The following NET1 variants were observed in gnomAD, a reference collection of about 807,000 sequenced individuals.
The protein encoded by NET1 is neuroepithelial cell-transforming gene 1 protein.
Under a neutral mutation model 61.1 loss-of-function variants are expected in NET1, and 42 were observed. That is an observed-to-expected ratio of 0.69 (90% confidence interval 0.54 to 0.89). The LOEUF is 0.89. Ranked by LOEUF, NET1 falls within the 40% of genes least tolerant of loss-of-function variation. NET1 has a pLI of 0.00. For missense variants in NET1, 654 were observed against 747.3 expected, an observed-to-expected ratio of 0.88 and a Z score of 1.46; for synonymous variants, 254 against 281.8, an observed-to-expected ratio of 0.90 and a Z score of 0.99.
rs1202062503 is a variant in NET1, at chr10:5,457,182, C to G, written c.*188C>G. ...ATACAGATTACTGTTAAATTGCAGT[C>G]CTTTTTTTTTTAAAGATATTTTCTT... On this transcript the variant is annotated 3_prime_UTR_variant, in exon 12 of 12. Transcript: ENST00000355029. This position sits in a 1 kb window ranked among gnomAD's most constrained non-coding sequence, Gnocchi z 5.4. 2.4e-6 allele frequency: 1 copy of G among 417,396 alleles called. No individual in the cohort carries two copies. The highest frequency in any genetic ancestry group is 2.1e-5 in the African/African-American group (1 of 48,160). The allele number at this position is 417,396 out of a possible 1,614,324, so 25.9% of individuals were successfully genotyped here.
chr10:5,448,672 ATT>A (rs55722042), intron 3 of NET1, among the ~76,000 whole-genome samples: 3 of 126,756 alleles, frequency 2.4e-5, no homozygotes, highest in African/African-American at 9.4e-5. Flanking sequence ...GGATTTTTGG[ATT>A]TTTTTTTTTT....
Position 5,440,198 on chromosome 10 carries a change from C to G in NET1, c.255+10969C>G, listed in dbSNP as rs1184536616. The stretch of plus-strand genomic sequence containing the variant: ...ATGATGTTCTGTGAAATATCCGGTC[C>G]TTGCCGACTTTGTGACAGAAAACAA... On this transcript the variant is annotated intron_variant, in intron 3 of 11. Transcript: ENST00000355029. The surrounding 1 kb of genome is among the most constrained non-coding windows in gnomAD (Gnocchi z 4.1). Among the ~76,000 whole-genome samples the G allele has an allele frequency of 6.6e-6, 1 of 152,182 alleles. No homozygotes were observed. Among genetic ancestry groups the G allele is most frequent in the Admixed American group, 6.5e-5 (1 of 15,284 alleles).
At chr10:5,432,414 T>A (rs1832362624) in intron 3 of NET1, among the ~76,000 whole-genome samples, 1 of 152,208 alleles carries the variant, frequency 6.6e-6, no homozygotes, top group African/African-American at 2.4e-5. Context: ...TATTATTGAT[T>A]ACTGAAAACG....
Position 5,415,664 on chromosome 10 carries a change from C to T in NET1, c.128+2844C>T, listed in dbSNP as rs1212545482. ...CCATGTTGGCTAGGCTGGTCTTGAA[C>T]TCCTGACCTTGTGATTTGCCTGCCT... On this transcript the variant is annotated intron_variant, in intron 1 of 11. Transcript: ENST00000355029. This position sits in a 1 kb window ranked among gnomAD's most constrained non-coding sequence, Gnocchi z 4.7. 2.6e-5 allele frequency among the ~76,000 whole-genome samples: 4 copies of T among 152,158 alleles called. No individual in the cohort carries two copies. Among genetic ancestry groups the T allele is most frequent in the African/African-American group, 7.2e-5 (3 of 41,444 alleles).
At chr10:5,429,094 G>T in intron 2 of NET1, 76 bp from the exon 3 acceptor site, 1 of 1,067,036 alleles carries the variant, frequency 9.4e-7, no homozygotes. Context: ...GATTTTTCTA[G>T]TTTTATAGAG....
rs1201870528 is a variant in NET1, at chr10:5,456,622, C to T, written c.1419C>T (p.Pro473=). The part of the protein sequence containing the change: ...KNIFRIRFHD[P]SPAQSHTLQA... ...TCTTTAGAATTCGCTTCCATGACCC[C>T]TCTCCAGCCCAGTCTCACACTCTGC... Residue 473 remains proline, a synonymous_variant, in exon 12 of 12, where the codon CCC becomes CCT. Coordinates refer to ENST00000355029, the MANE Select transcript of NET1 (RefSeq NM_001047160.3). The surrounding 1 kb of genome is among the most constrained non-coding windows in gnomAD (Gnocchi z 7.0). 6.4e-7 allele frequency: 1 copy of T among 1,555,246 alleles called. No homozygotes were observed. Among genetic ancestry groups the T allele is most frequent in the South Asian group, 1.2e-5 (1 of 83,400 alleles).
Position 5,453,036 on chromosome 10 carries a change from A to G in NET1, c.594+116A>G, listed in dbSNP as rs1024435007. 1.6e-5 allele frequency: 13 copies of G among 803,420 alleles called. No homozygotes were observed. Among genetic ancestry groups the G allele is most frequent in the African/African-American group, 1.0e-4 (6 of 57,656 alleles). The allele number at this position is 803,420 out of a possible 1,614,324, so 49.8% of individuals were successfully genotyped here. A position where few individuals can be genotyped will look rare whatever the true frequency, so the allele number is the denominator to read the frequency against. On this transcript the variant is annotated intron_variant, in intron 6 of 11. Transcript: ENST00000355029. This position sits in a 1 kb window ranked among gnomAD's most constrained non-coding sequence, Gnocchi z 4.9. ...GAAGAATAGAAAATATCTACTGGTGAATACATTTTTTTTAGGTGAGGTCTA... is the reference window on the plus strand; with the variant it reads ...GAAGAATAGAAAATATCTACTGGTGGATACATTTTTTTTAGGTGAGGTCTA...
In NET1 at chr10:5,453,981, G is replaced by A. The variant is rs117957656; in HGVS notation, c.769-284G>A. On this transcript the variant is annotated intron_variant, in intron 8 of 11. Coordinates refer to ENST00000355029, the MANE Select transcript of NET1 (RefSeq NM_001047160.3). This position sits in a 1 kb window ranked among gnomAD's most constrained non-coding sequence, Gnocchi z 4.9. ...AGTCTCAGGGCTGGTGGCAAATGGA[G>A]GACACTCAAGTGTCCTGGGAGCACA... Among the ~76,000 whole-genome samples the A allele has an allele frequency of 8.5e-3, 1,289 of 152,288 alleles. 15 individuals carry two copies. Among genetic ancestry groups the A allele is most frequent in the Non-Finnish European group, 0.014 (962 of 68,008 alleles).
Position 5,417,993 on chromosome 10 carries a change from G to A in NET1, c.128+5173G>A, listed in dbSNP as rs907801980. Among the ~76,000 whole-genome samples, 3 of 151,868 alleles carry A rather than the reference G, an allele frequency of 2.0e-5. No individual in the cohort carries two copies. Among genetic ancestry groups the A allele is most frequent in the African/African-American group, 7.3e-5 (3 of 41,308 alleles). Reference sequence around the variant, plus strand: ...GATGTTAAACCAACTTTGCCTTCCTGGTATAAGTCCTGCTTGGTCATTGTG... The same window carrying A: ...GATGTTAAACCAACTTTGCCTTCCTAGTATAAGTCCTGCTTGGTCATTGTG... On this transcript the variant is annotated intron_variant, in intron 1 of 11. Transcript: ENST00000355029. This position sits in a 1 kb window ranked among gnomAD's most constrained non-coding sequence, Gnocchi z 5.5.
In NET1 at chr10:5,441,894, G is replaced by C. The variant is rs1207422105; in HGVS notation, c.256-9936G>C. 1.3e-5 allele frequency among the ~76,000 whole-genome samples: 2 copies of C among 151,956 alleles called. No individual in the cohort carries two copies. The highest frequency in any genetic ancestry group is 2.9e-5 in the Non-Finnish European group (2 of 67,988). On this transcript the variant is annotated intron_variant, in intron 3 of 11. Transcript: ENST00000355029. This position sits in a 1 kb window ranked among gnomAD's most constrained non-coding sequence, Gnocchi z 4.6. ...TCAATTAATACTTCCTTTTTAGTAA[G>C]ATTTAAAATTTTATTTTTAACTAAC... is the stretch of plus-strand genomic sequence containing the variant.
At chr10:5,432,801 G>T (rs1470449079) in intron 3 of NET1, among the ~76,000 whole-genome samples, 1 of 151,438 alleles carries the variant, frequency 6.6e-6, no homozygotes. Context: ...TTTCTTGGAT[G>T]AACTGTATGT....
rs1160770351 is a variant in NET1, at chr10:5,457,704, GTGTGTGTA to G, written c.*718_*725del. The G allele has an allele frequency of 3.3e-5, 5 of 151,930 alleles. No individual in the cohort carries two copies. Among genetic ancestry groups the G allele is most frequent in the Non-Finnish European group, 7.4e-5 (5 of 67,916 alleles). The allele number at this position is 151,930 out of a possible 1,614,324, so 9.4% of individuals were successfully genotyped here. On this transcript the variant is annotated 3_prime_UTR_variant, in exon 12 of 12. Transcript: ENST00000355029. The surrounding 1 kb of genome is among the most constrained non-coding windows in gnomAD (Gnocchi z 5.4). ...AGTATTTTTCTTCCTGATTAAAAAT[GTGTGTGTA>G]TGTGTGTGTGTGTGTGTATATATAT... is the stretch of plus-strand genomic sequence containing the variant.
In NET1 at chr10:5,440,954, C is replaced by T. The variant is rs1832516548; in HGVS notation, c.256-10876C>T. Among the ~76,000 whole-genome samples, 1 of 152,144 alleles carries T rather than the reference C, an allele frequency of 6.6e-6. No individual in the cohort carries two copies. Among genetic ancestry groups the T allele is most frequent in the Non-Finnish European group, 1.5e-5 (1 of 68,026 alleles). On this transcript the variant is annotated intron_variant, in intron 3 of 11. Transcript: ENST00000355029. This position sits in a 1 kb window ranked among gnomAD's most constrained non-coding sequence, Gnocchi z 4.1. ...GTGTCCATATTTTAGCCTGGGTTCTCCCTCCAGAAATCAGAGCCTAAAACG... is the reference window on the plus strand; with the variant it reads ...GTGTCCATATTTTAGCCTGGGTTCTTCCTCCAGAAATCAGAGCCTAAAACG...
chr10:5,438,617 G>T (rs1450278906), intron 3 of NET1, among the ~76,000 whole-genome samples: 1 of 152,104 alleles, frequency 6.6e-6, no homozygotes, highest in Non-Finnish European at 1.5e-5. Context: ...ACAAAGAAAA[G>T]CTCTGAATAA....
Position 5,422,221 on chromosome 10 carries a change from T to A in NET1, c.129-4434T>A, listed in dbSNP as rs892736168. Among the ~76,000 whole-genome samples the A allele has an allele frequency of 6.6e-6, 1 of 151,884 alleles. No individual in the cohort carries two copies. The highest frequency in any genetic ancestry group is 2.4e-5 in the African/African-American group (1 of 41,332). On this transcript the variant is annotated intron_variant, in intron 1 of 11. Coordinates refer to ENST00000355029, the MANE Select transcript of NET1 (RefSeq NM_001047160.3). This position sits in a 1 kb window ranked among gnomAD's most constrained non-coding sequence, Gnocchi z 4.1. ...GCATGGTGGCGTGCCCCTGTAATCCTAGCTACTCGGGAGATTGAGGCAGGA... is the reference window on the plus strand; with the variant it reads ...GCATGGTGGCGTGCCCCTGTAATCCAAGCTACTCGGGAGATTGAGGCAGGA...
chr10:5,436,244 ATATATTT>A lies in NET1; in HGVS notation c.255+7017_255+7023del, dbSNP rs1832434991. On this transcript the variant is annotated intron_variant, in intron 3 of 11. Transcript: ENST00000355029. ...TGTGTGCATATATATATATATATAT[ATATATTT>A]TTTTTTTTTTTTTTTTTTTTTTTTA... 2.2e-4 allele frequency among the ~76,000 whole-genome samples: 5 copies of A among 22,460 alleles called. No individual in the cohort carries two copies. The South Asian group carries it at 5.7e-3, about 26-fold the overall frequency. The allele number at this position is 22,460 out of a possible 152,430, so 14.7% of individuals were successfully genotyped here. A position where few individuals can be genotyped will look rare whatever the true frequency, so the allele number is the denominator to read the frequency against.
rs1166093291 is a variant in NET1, at chr10:5,424,960, GTTAC to G, written c.129-1691_129-1688del. Among the ~76,000 whole-genome samples, 3 of 152,154 alleles carry G rather than the reference GTTAC, an allele frequency of 2.0e-5. No homozygotes were observed. The highest frequency in any genetic ancestry group is 4.4e-5 in the Non-Finnish European group (3 of 68,036). ...TGCCTTCTTACAATCTATTGTTCAC[GTTAC>G]TTAAGATTCAATGGCTGCCACACAT... On this transcript the variant is annotated intron_variant, in intron 1 of 11. Transcript: ENST00000355029. This position sits in a 1 kb window ranked among gnomAD's most constrained non-coding sequence, Gnocchi z 6.1.
chr10:5,415,850 G>T lies in NET1; in HGVS notation c.128+3030G>T, dbSNP rs1056548883. Among the ~76,000 whole-genome samples the T allele has an allele frequency of 6.6e-6, 1 of 152,050 alleles. No homozygotes were observed. Among genetic ancestry groups the T allele is most frequent in the African/African-American group, 2.4e-5 (1 of 41,380 alleles). The stretch of plus-strand genomic sequence containing the variant: ...AATATTTTCTCTTATTCTGTGGTTT[G>T]TCTTTTCACTTTCATGATGTGCTTC... On this transcript the variant is annotated intron_variant, in intron 1 of 11. Coordinates refer to ENST00000355029, the MANE Select transcript of NET1 (RefSeq NM_001047160.3). This position sits in a 1 kb window ranked among gnomAD's most constrained non-coding sequence, Gnocchi z 4.7.
rs1437269219 is a variant in NET1, at chr10:5,449,271, A to T, written c.256-2559A>T. On this transcript the variant is annotated intron_variant, in intron 3 of 11. Coordinates refer to ENST00000355029, the MANE Select transcript of NET1 (RefSeq NM_001047160.3). The surrounding 1 kb of genome is among the most constrained non-coding windows in gnomAD (Gnocchi z 4.4). ...AAAGTTTGTTTTGTATTTGCCAAAC[A>T]TTCTTCATGTATGTCCTTTGAGTGA... 2.6e-5 allele frequency among the ~76,000 whole-genome samples: 4 copies of T among 152,226 alleles called. No individual in the cohort carries two copies. Among genetic ancestry groups the T allele is most frequent in the Non-Finnish European group, 5.9e-5 (4 of 68,046 alleles).
Sources: gnomAD v4.1 joint callset for allele counts (sites outside exome capture counted in the v4.1 genomes callset) on GRCh38, gnomAD v4.1.1 for gene constraint, Gnocchi (gnomAD v3.1) non-coding constraint, MANE v1.5 for transcripts, NCBI Gene and HGNC (gene_info 2026-07-23, HGNC 2026-07-21) for gene names.